Variants in ADGRL2 observed in about 807,000 individuals in gnomAD.
ADGRL2 encodes the protein adhesion G protein-coupled receptor L2, also known as calcium-independent alpha-latrotoxin receptor 2.
A neutral mutation model predicts 157.4 loss-of-function variants in ADGRL2; 44 were observed. That is an observed-to-expected ratio of 0.28 (90% CI 0.22 to 0.36). The LOEUF (loss-of-function observed/expected upper bound fraction) is 0.36, where lower values mean the gene tolerates loss of function less well. Ranked by LOEUF, ADGRL2 falls within the 10% of genes least tolerant of loss-of-function variation. The probability of loss-of-function intolerance (pLI) is 1.00; values close to 1 mark genes in which losing one functional copy is unlikely to be tolerated. For missense variants in ADGRL2, 1,510 were observed against 1,768.9 expected, an observed-to-expected ratio of 0.85 and a Z score of 2.63; for synonymous variants, 585 against 624.7, an observed-to-expected ratio of 0.94 and a Z score of 0.95.
At chr1:81,727,545 G>A (rs1466878194) in intron 1 of ADGRL2, among the ~76,000 whole-genome samples, 1 of 151,980 alleles carries the variant, frequency 6.6e-6, no homozygotes, top group Non-Finnish European at 1.5e-5. Flanking sequence ...CAATTCTCCT[G>A]CCTCAGCCTC....
rs79624392 is a variant in ADGRL2 at position 81,868,153 on chromosome 1, G to A, written c.73+31096G>A. Among the ~76,000 whole-genome samples, 152 of 151,772 alleles carry A rather than the reference G, an allele frequency of 1.0e-3. 2 individuals carry two copies. The East Asian group carries it at 0.028, about 28-fold the overall frequency. On this transcript the variant is annotated intron_variant, in intron 2 of 23. Transcript: ENST00000686636. Reference sequence around the variant, plus strand: ...TTTTATTGTTAAAATCCGTGCCACTGCTATGTGCTAGGCATTGCAGTAGGC... The same window carrying A: ...TTTTATTGTTAAAATCCGTGCCACTACTATGTGCTAGGCATTGCAGTAGGC...
At chr1:81,953,585 C>T (rs936279386) in intron 10 of ADGRL2, among the ~76,000 whole-genome samples, 4 of 151,990 alleles carry the variant, frequency 2.6e-5, no homozygotes, top group African/African-American at 9.7e-5. Flanking sequence ...TGTTTTTTAT[C>T]AAGCTAATAG....
chr1:81,923,267 A>G (rs990578581), intron 3 of ADGRL2, among the ~76,000 whole-genome samples: 1 of 152,330 alleles, frequency 6.6e-6, no homozygotes, highest in East Asian at 1.9e-4. Context: ...GTGGTAGTCA[A>G]TTTGATAAAA....
At chr1:81,390,576 C>G (rs2076525296) in intron 1 of ADGRL2, among the ~76,000 whole-genome samples, 2 of 151,692 alleles carry the variant, frequency 1.3e-5, no homozygotes, top group Admixed American at 1.3e-4. Flanking sequence ...TGCCCTCCCT[C>G]CTATCATTTG....
At chr1:81,455,320 G>A (rs928085770) in intron 2 of ADGRL2, among the ~76,000 whole-genome samples, 1 of 152,204 alleles carries the variant, frequency 6.6e-6, no homozygotes, top group Non-Finnish European at 1.5e-5. Context: ...GAAAGATAAA[G>A]AGGAGGCAGG....
intron 3 of ADGRL2, among the ~76,000 whole-genome samples, chr1:81,689,328 T>C (rs1195439663): frequency 6.6e-6 from 1 of 152,124 alleles, no homozygotes; most frequent in Non-Finnish European, 1.5e-5. Flanking sequence ...TTTCTAAAGA[T>C]TTGTTCCTTT....
chr1:81,330,531 G>T (rs1004050689), intron 1 of ADGRL2, among the ~76,000 whole-genome samples: 7 of 151,990 alleles, frequency 4.6e-5, no homozygotes, highest in Non-Finnish European at 5.9e-5. Context: ...TATGCTTCAG[G>T]GGCTACTTAT....
At chr1:81,748,533 A>T (rs2149258175) in intron 1 of ADGRL2, among the ~76,000 whole-genome samples, 1 of 151,674 alleles carries the variant, frequency 6.6e-6, no homozygotes, top group East Asian at 1.9e-4. Flanking sequence ...TTTTGACCAT[A>T]TCTGCAATTT....
At chr1:81,631,375 C>A (rs1267385327) in intron 3 of ADGRL2, among the ~76,000 whole-genome samples, 1 of 152,040 alleles carries the variant, frequency 6.6e-6, no homozygotes, top group East Asian at 1.9e-4. Context: ...CACAACCACA[C>A]CCGGTTAAGT....
chr1:81,947,307 A>G (rs539666913), intron 6 of ADGRL2, among the ~76,000 whole-genome samples: 2 of 152,016 alleles, frequency 1.3e-5, no homozygotes, highest in Non-Finnish European at 2.9e-5. Flanking sequence ...TTCTTTCCAA[A>G]TTGTTATTCT....
At chr1:81,484,852 T>C (rs535106181) in intron 2 of ADGRL2, among the ~76,000 whole-genome samples, 2 of 152,254 alleles carry the variant, frequency 1.3e-5, no homozygotes, top group Non-Finnish European at 2.9e-5. Context: ...TCAGGTACCC[T>C]TCCCATAAAA....
intron 3 of ADGRL2, among the ~76,000 whole-genome samples, chr1:81,600,243 ATG>A (rs1379057118): frequency 2.0e-5 from 3 of 152,226 alleles, no homozygotes; most frequent in Non-Finnish European, 4.4e-5. Flanking sequence ...GCCAGACCAA[ATG>A]GATGGCAAAG....
intron 3 of ADGRL2, among the ~76,000 whole-genome samples, chr1:81,669,404 G>GT (rs1486145598): frequency 6.6e-6 from 1 of 152,034 alleles, no homozygotes; most frequent in Non-Finnish European, 1.5e-5. Context: ...GGGCAATGTA[G>GT]CAAGACTCCA....
rs532205146 is a variant in ADGRL2, at chr1:81,744,713, A to C, written c.-142-17098A>C. Among the ~76,000 whole-genome samples the C allele has an allele frequency of 1.1e-4, 16 of 152,292 alleles. No homozygotes were observed. The South Asian group carries it at 3.3e-3, about 32-fold the overall frequency. On this transcript the variant is annotated intron_variant, in intron 1 of 20. Transcript: ENST00000359929. ...CTGTATCAAAATGCCTCTTATTACA[A>C]GGGACAGGATGACACACTCATGAAA...
chr1:81,896,679 A>G (rs1232572377), intron 2 of ADGRL2, among the ~76,000 whole-genome samples: 1 of 152,110 alleles, frequency 6.6e-6, no homozygotes, highest in African/African-American at 2.4e-5. Context: ...GAATTATAGT[A>G]ATAAATAAAG....
At chr1:81,891,695 C>T (rs757338771) in intron 2 of ADGRL2, among the ~76,000 whole-genome samples, 16 of 151,976 alleles carry the variant, frequency 1.1e-4, no homozygotes, top group African/African-American at 2.9e-4. Flanking sequence ...TTGAGTTACT[C>T]GTTTAGACAG....
chr1:81,960,904 A>G (rs1558003818), intron 11 of ADGRL2, among the ~76,000 whole-genome samples: 1 of 152,188 alleles, frequency 6.6e-6, no homozygotes, highest in Admixed American at 6.5e-5. Context: ...TTCCTGCTGC[A>G]TAATTGTTGA....
rs1407623686 is a variant in ADGRL2 at position 81,367,088 on chromosome 1, G to T, written c.-302+60579G>T. On this transcript the variant is annotated intron_variant, in intron 1 of 24. Transcript: ENST00000370721. ...CTGGATATTTTACAGTCACACAAAT[G>T]TAAAATATCCAGCAACTTTCCTGCT... 2.0e-5 allele frequency among the ~76,000 whole-genome samples: 3 copies of T among 152,288 alleles called. No homozygotes were observed. In the South Asian group the frequency reaches 6.2e-4, roughly 32 times the overall value.
chr1:81,819,825 T>C (rs2149823618), intron 1 of ADGRL2, among the ~76,000 whole-genome samples: 1 of 152,284 alleles, frequency 6.6e-6, no homozygotes, highest in South Asian at 2.1e-4. Context: ...TTTAAACAAG[T>C]AATTTGATAT....
Sources: allele counts gnomAD v4.1 joint callset (sites outside exome capture counted in the v4.1 genomes callset), GRCh38; gene constraint gnomAD v4.1.1; transcripts MANE v1.5; gene names NCBI Gene and HGNC (gene_info 2026-07-23, HGNC 2026-07-21).